ARHGAP8: variants seen among roughly 807,000 people sequenced by gnomAD.
The protein encoded by ARHGAP8 is Rho GTPase activating protein 8, also known as rho GTPase-activating protein 8.
In ARHGAP8, 62 loss-of-function variants were observed where a neutral mutation model predicts 46.1. The ratio of observed to expected loss-of-function variants is 1.34; its 90% CI spans 1.10 to 1.66. ARHGAP8 has a LOEUF of 1.66. Among genes scored for constraint, ARHGAP8 ranks in the 40% most tolerant of loss-of-function variants. The pLI is 0.00. For missense variants in ARHGAP8, 923 were observed against 568.4 expected, an observed-to-expected ratio of 1.62 and a Z score of -6.34; for synonymous variants, 375 against 243.1, an observed-to-expected ratio of 1.54 and a Z score of -5.05.
chr22:44,860,124 G>C (rs549815269), intron 11 of ARHGAP8, among the ~76,000 whole-genome samples: 1 of 152,152 alleles, frequency 6.6e-6, no homozygotes, highest in African/African-American at 2.4e-5. Context: ...CTGCCCCCAT[G>C]TCATTTCCTG....
At chr22:44,859,277 C>T (rs1424372741) in intron 10 of ARHGAP8, among the ~76,000 whole-genome samples, 2 of 152,158 alleles carry the variant, frequency 1.3e-5, no homozygotes, top group South Asian at 2.1e-4. Context: ...ATCATGAGGG[C>T]AGATACCTCA....
rs367627818 is a variant in ARHGAP8, at chr22:44,796,097, A to T, written c.80-5980A>T. Reference sequence around the variant, plus strand: ...CCTGGCGACCTTGACCCTCCCTCCCATTTGGGTCCCAGTAGCCCAGGGAAG... The same window carrying T: ...CCTGGCGACCTTGACCCTCCCTCCCTTTTGGGTCCCAGTAGCCCAGGGAAG... On this transcript the variant is annotated intron_variant, in intron 2 of 11. Transcript: ENST00000356099. 6.0e-4 allele frequency among the ~76,000 whole-genome samples: 91 copies of T among 152,056 alleles called. 1 individual carries two copies. The South Asian group carries it at 0.019, about 31-fold the overall frequency.
At chr22:44,795,337 C>T (rs2147066381) in intron 2 of ARHGAP8, among the ~76,000 whole-genome samples, 1 of 152,278 alleles carries the variant, frequency 6.6e-6, no homozygotes, top group Admixed American at 6.5e-5. Flanking sequence ...ACCCTCTTAC[C>T]CTCATTGCAG....
chr22:44,766,475 CAT>C lies in ARHGAP8; in HGVS notation c.-72+13851_-72+13852del, dbSNP rs537365506. On this transcript the variant is annotated intron_variant, in intron 1 of 11. Coordinates refer to ENST00000356099, the MANE Select transcript of ARHGAP8 (RefSeq NM_181335.3). ...GTGTCTCTGTGTACGTGTCTCTGTG[CAT>C]ATGTGTGTCTCTGTGTACGTGTGTC... Among the ~76,000 whole-genome samples, 17 of 151,564 alleles carry C rather than the reference CAT, an allele frequency of 1.1e-4. No individual in the cohort carries two copies. In the East Asian group the frequency reaches 3.1e-3, roughly 28 times the overall value.
intron 2 of ARHGAP8, among the ~76,000 whole-genome samples, chr22:44,793,639 A>C (rs1360901776): frequency 6.6e-6 from 1 of 152,146 alleles, no homozygotes; most frequent in Non-Finnish European, 1.5e-5. Flanking sequence ...CGCCCCACGC[A>C]CCCTGTGGGT....
At chr22:44,827,336 GTT>G (rs796490147) in intron 7 of ARHGAP8, among the ~76,000 whole-genome samples, 39 of 67,264 alleles carry the variant, frequency 5.8e-4, no homozygotes, top group African/African-American at 2.1e-3. Flanking sequence ...TTGGGTGGTG[GTT>G]TTTTTTTTTT....
intron 1 of ARHGAP8, among the ~76,000 whole-genome samples, chr22:44,781,821 G>T (rs1926868671): frequency 6.6e-6 from 1 of 151,640 alleles, no homozygotes; most frequent in Admixed American, 6.6e-5. Flanking sequence ...CACCGTGCCT[G>T]GCCTATTTTA....
At chr22:44,848,122 G>A (rs767705823) in intron 9 of ARHGAP8, 72 bp downstream of exon 9, 138 of 1,571,344 alleles carry the variant, frequency 8.8e-5, no homozygotes, top group Middle Eastern at 6.7e-4. Context: ...GCCTCAGAGC[G>A]GAGGCAGGGA....
intron 4 of ARHGAP8, among the ~76,000 whole-genome samples, chr22:44,813,255 TACACAC>T (rs143474269): frequency 6.7e-6 from 1 of 150,254 alleles, no homozygotes; most frequent in Non-Finnish European, 1.5e-5. Flanking sequence ...TACATACACT[TACACAC>T]ACACACACAC....
At chr22:44,862,192 C>T (rs938567494) in intron 11 of ARHGAP8, 83 bp from the exon 12 acceptor site, 11 of 1,504,110 alleles carry the variant, frequency 7.3e-6, no homozygotes, top group South Asian at 1.3e-5. Flanking sequence ...ACACCTACGC[C>T]TCTCCCTAAG....
intron 7 of ARHGAP8, among the ~76,000 whole-genome samples, chr22:44,837,208 A>G (rs959727371): frequency 6.6e-6 from 1 of 152,094 alleles, no homozygotes; most frequent in South Asian, 2.1e-4. Context: ...ATTAGTCACA[A>G]TTTCTCCTTA....
chr22:44,786,527 C>T lies in ARHGAP8; in HGVS notation c.-1C>T. The stretch of plus-strand genomic sequence containing the variant: ...TGAGGAAGAGGCCCTCGGTGGTGCC[C>T]ATGGCTGGCCAGGATCCTGCGCTGA... On this transcript the variant is annotated 5_prime_UTR_variant, in exon 2 of 12. Coordinates refer to ENST00000356099, the MANE Select transcript of ARHGAP8 (RefSeq NM_181335.3). 1.2e-6 allele frequency: 2 copies of T among 1,613,086 alleles called. No individual in the cohort carries two copies. The highest frequency in any genetic ancestry group is 1.7e-6 in the Non-Finnish European group (2 of 1,179,672).
intron 1 of ARHGAP8, among the ~76,000 whole-genome samples, chr22:44,781,670 G>C (rs958231246): frequency 7.6e-6 from 1 of 132,176 alleles, no homozygotes; most frequent in Non-Finnish European, 1.6e-5. Context: ...TTACAGGTGC[G>C]TGCCACCACG....
chr22:44,838,952 T>A (rs756685099), intron 7 of ARHGAP8, among the ~76,000 whole-genome samples: 23 of 152,172 alleles, frequency 1.5e-4, no homozygotes, highest in Non-Finnish European at 3.1e-4. Flanking sequence ...AGCGCCAGCA[T>A]CTCTGCTTTC....
chr22:44,787,037 C>CAA (rs57241720), intron 2 of ARHGAP8, among the ~76,000 whole-genome samples: 10 of 119,126 alleles, frequency 8.4e-5, no homozygotes, highest in African/African-American at 1.6e-4. Flanking sequence ...CTCAAAAAAA[C>CAA]AAAAAAAAAA....
intron 2 of ARHGAP8, among the ~76,000 whole-genome samples, chr22:44,786,862 C>G (rs1056116377): frequency 1.3e-5 from 2 of 151,822 alleles, no homozygotes; most frequent in African/African-American, 2.4e-5. Flanking sequence ...AAAAAAAATA[C>G]AAAAATCAGC....
chr22:44,828,755 G>C (rs921909387), intron 7 of ARHGAP8, among the ~76,000 whole-genome samples: 4 of 152,026 alleles, frequency 2.6e-5, no homozygotes, highest in East Asian at 2.0e-4. Context: ...GCCCGGGCCA[G>C]GATATTCCAG....
intron 1 of ARHGAP8, among the ~76,000 whole-genome samples, chr22:44,752,989 A>C (rs537797181): frequency 2.0e-5 from 3 of 151,092 alleles, no homozygotes; most frequent in African/African-American, 7.3e-5. Context: ...TGTCAGCTCA[A>C]ATGTTCCTTT....
At chr22:44,849,155 T>C in intron 10 of ARHGAP8, 95 bp downstream of exon 10, 1 of 1,575,936 alleles carries the variant, frequency 6.3e-7, no homozygotes. Context: ...GTGGCCGAGG[T>C]GACGTGTACC....
Sources: gnomAD v4.1 joint callset for allele counts (sites outside exome capture counted in the v4.1 genomes callset) on GRCh38, gnomAD v4.1.1 for gene constraint, MANE v1.5 for transcripts, NCBI Gene and HGNC (gene_info 2026-07-23, HGNC 2026-07-21) for gene names.